Variants in FSTL5 observed in about 807,000 individuals in gnomAD.
FSTL5 encodes follistatin-related protein 5.
A neutral mutation model predicts 89.1 loss-of-function variants in FSTL5; 62 were observed. That is an observed-to-expected ratio of 0.70 (90% CI 0.57 to 0.86). The LOEUF (loss-of-function observed/expected upper bound fraction) is 0.86, where lower values mean the gene tolerates loss of function less well. FSTL5 is among the 40% of genes least tolerant of loss of function. The probability of loss-of-function intolerance (pLI) is 0.00; values close to 1 mark genes in which losing one functional copy is unlikely to be tolerated. For missense variants in FSTL5, 1,057 were observed against 1,001.6 expected, an observed-to-expected ratio of 1.06 and a Z score of -0.75; for synonymous variants, 383 against 346.2, an observed-to-expected ratio of 1.11 and a Z score of -1.18.
At chr4:161,818,174 C>T (rs1730385826) in intron 4 of FSTL5, among the ~76,000 whole-genome samples, 1 of 152,136 alleles carries the variant, frequency 6.6e-6, no homozygotes, top group African/African-American at 2.4e-5. Context: ...ACCAGCACAC[C>T]CGCAGGCCAC....
chr4:161,549,310 T>C (rs1732118840), intron 8 of FSTL5, among the ~76,000 whole-genome samples: 1 of 151,590 alleles, frequency 6.6e-6, no homozygotes, highest in South Asian at 2.1e-4. Flanking sequence ...AAAAGAATTA[T>C]AAAAATAAAG....
chr4:162,035,596 G>C (rs1166888372), intron 2 of FSTL5, among the ~76,000 whole-genome samples: 1 of 152,050 alleles, frequency 6.6e-6, no homozygotes, highest in East Asian at 1.9e-4. Flanking sequence ...AGACAGACTA[G>C]CACTTGGGGC....
intron 2 of FSTL5, among the ~76,000 whole-genome samples, chr4:162,103,411 AT>A (rs1182911942): frequency 6.6e-6 from 1 of 152,202 alleles, no homozygotes; most frequent in African/African-American, 2.4e-5. Flanking sequence ...AAGCAAATGT[AT>A]TTAGTGGCAA....
At chr4:161,914,387 A>C (rs1439590634) in intron 4 of FSTL5, among the ~76,000 whole-genome samples, 1 of 152,182 alleles carries the variant, frequency 6.6e-6, no homozygotes, top group Non-Finnish European at 1.5e-5. Context: ...TCACAGGGGA[A>C]AATTTGACAG....
intron 3 of FSTL5, among the ~76,000 whole-genome samples, chr4:162,006,708 T>C (rs955044027): frequency 2.0e-5 from 3 of 151,944 alleles, no homozygotes; most frequent in African/African-American, 7.2e-5. Context: ...TTTGCCTCAT[T>C]TGTATTGTTT....
intron 15 of FSTL5, among the ~76,000 whole-genome samples, chr4:161,430,596 C>T (rs991676187): frequency 5.3e-5 from 8 of 152,030 alleles, no homozygotes; most frequent in Non-Finnish European, 1.2e-4. Context: ...AAATATTAGC[C>T]GGGCGTGGTA....
intron 15 of FSTL5, among the ~76,000 whole-genome samples, chr4:161,409,700 C>T (rs1467013705): frequency 6.6e-6 from 1 of 152,092 alleles, no homozygotes; most frequent in South Asian, 2.1e-4. Context: ...TTTAACTAGA[C>T]CATCTTTACA....
intron 15 of FSTL5, among the ~76,000 whole-genome samples, chr4:161,402,741 C>T (rs990137387): frequency 1.4e-4 from 22 of 152,076 alleles, no homozygotes; most frequent in Non-Finnish European, 3.2e-4. Flanking sequence ...ACTATACAAT[C>T]ATAGGCAAGT....
intron 4 of FSTL5, among the ~76,000 whole-genome samples, chr4:161,877,866 G>T (rs1258114086): frequency 6.6e-6 from 1 of 151,452 alleles, no homozygotes; most frequent in Non-Finnish European, 1.5e-5. Flanking sequence ...GTGTTAGCCA[G>T]GATGGTCTCG....
At chr4:162,116,409 G>C (rs1006457909) in intron 1 of FSTL5, among the ~76,000 whole-genome samples, 2 of 152,164 alleles carry the variant, frequency 1.3e-5, no homozygotes, top group Non-Finnish European at 2.9e-5. Flanking sequence ...TCTCCACGTA[G>C]GTGTGGGCTT....
intron 4 of FSTL5, among the ~76,000 whole-genome samples, chr4:161,806,354 T>A (rs1022926694): frequency 6.6e-6 from 1 of 152,128 alleles, no homozygotes; most frequent in Admixed American, 6.6e-5. Context: ...TGTCCATTTC[T>A]GCCACCAATA....
At chr4:161,761,638 A>G (rs997805104) in intron 5 of FSTL5, among the ~76,000 whole-genome samples, 2 of 152,154 alleles carry the variant, frequency 1.3e-5, no homozygotes, top group Admixed American at 6.5e-5. Flanking sequence ...TATACTTATC[A>G]CTGGCTCTTG....
At chr4:162,030,804 T>C (rs17459658) in intron 3 of FSTL5, among the ~76,000 whole-genome samples, 14,890 of 152,244 alleles carry the variant, frequency 0.098, 849 homozygotes, top group Non-Finnish European at 0.13. Context: ...ACTCTACTAC[T>C]GTTTTCTCTG....
intron 3 of FSTL5, among the ~76,000 whole-genome samples, chr4:161,976,279 C>G (rs1206851426): frequency 6.6e-6 from 1 of 152,088 alleles, no homozygotes; most frequent in African/African-American, 2.4e-5. Flanking sequence ...ACTTTCTTCA[C>G]TACATCAAAT....
chr4:161,926,833 T>C (rs1397357904), intron 3 of FSTL5, among the ~76,000 whole-genome samples: 2 of 151,862 alleles, frequency 1.3e-5, no homozygotes, highest in Admixed American at 1.3e-4. Context: ...CTTATCATTA[T>C]ACACTTTGGC....
At chr4:161,848,891 C>A (rs1311283435) in intron 4 of FSTL5, among the ~76,000 whole-genome samples, 1 of 151,634 alleles carries the variant, frequency 6.6e-6, no homozygotes, top group Non-Finnish European at 1.5e-5. Flanking sequence ...AGGCACTCTG[C>A]GTTCATTAGG....
At chr4:161,642,584 A>G (rs565235257) in intron 7 of FSTL5, among the ~76,000 whole-genome samples, 107 of 152,320 alleles carry the variant, frequency 7.0e-4, no homozygotes, top group Admixed American at 3.4e-3. Context: ...ACGATATATA[A>G]GGAAGAAAAT....
At chr4:161,587,369 G>C (rs1733651687) in intron 8 of FSTL5, 86 bp downstream of exon 8, 3 of 1,333,772 alleles carry the variant, frequency 2.2e-6, no homozygotes, top group Non-Finnish European at 3.2e-6. Context: ...TTAGTACCTT[G>C]TAAAAACTCA....
intron 1 of FSTL5, among the ~76,000 whole-genome samples, chr4:162,122,587 T>G (rs955344334): frequency 6.6e-6 from 1 of 152,130 alleles, no homozygotes; most frequent in Non-Finnish European, 1.5e-5. Context: ...TTTTTTTAAA[T>G]TTATTTTCAA....
Sources: gnomAD v4.1 joint callset for allele counts (sites outside exome capture counted in the v4.1 genomes callset) on GRCh38, gnomAD v4.1.1 for gene constraint, MANE v1.5 for transcripts, NCBI Gene and HGNC (gene_info 2026-07-23, HGNC 2026-07-21) for gene names.